BCR: variants seen among roughly 807,000 people sequenced by gnomAD.
The protein encoded by BCR is breakpoint cluster region protein.
Under a neutral mutation model 138.6 loss-of-function variants are expected in BCR, and 58 were observed. The observed-to-expected ratio is 0.42, with a 90% CI of 0.34 to 0.52. BCR has a LOEUF of 0.52. Ranked by LOEUF, BCR falls within the 20% of genes least tolerant of loss-of-function variation. The pLI, the probability that BCR is intolerant of heterozygous loss-of-function variation, is 0.06. For missense variants in BCR, 1,599 were observed against 1,727.2 expected (o/e 0.93, Z 1.32); for synonymous variants, 786 against 730.1 (o/e 1.08, Z -1.23).
intron 1 of BCR, 72 bp from the exon 2 acceptor site, chr22:23,253,727 C>G (rs2073258931): frequency 6.5e-7 from 1 of 1,527,602 alleles, no homozygotes; most frequent in African/African-American, 1.4e-5. Context: ...CAGCTGGGTG[C>G]TTGCTGGGAT....
chr22:23,309,819 A>G (rs1210068825), intron 17 of BCR: 15 of 399,502 alleles, frequency 3.8e-5, no homozygotes, highest in Non-Finnish European at 5.9e-5. Context: ...AAAGGTTTAG[A>G]CCTTAAAAGC....
chr22:23,257,396 C>T (rs1430873379), intron 2 of BCR, among the ~76,000 whole-genome samples: 1 of 152,272 alleles, frequency 6.6e-6, no homozygotes, highest in East Asian at 1.9e-4. Context: ...AGTGCTCCCA[C>T]CCACGCCGGC....
At chr22:23,237,653 A>G (rs2073041556) in intron 1 of BCR, among the ~76,000 whole-genome samples, 1 of 152,206 alleles carries the variant, frequency 6.6e-6, no homozygotes, top group Non-Finnish European at 1.5e-5. Context: ...GAGAAGAGAA[A>G]TGTGGAAGTC....
chr22:23,262,611 G>C (rs2073374341), intron 4 of BCR, among the ~76,000 whole-genome samples: 1 of 152,166 alleles, frequency 6.6e-6, no homozygotes, highest in South Asian at 2.1e-4. Flanking sequence ...GAGGGTGGTG[G>C]CTCGGGCTGG....
intron 1 of BCR, among the ~76,000 whole-genome samples, chr22:23,216,563 G>T (rs577739319): frequency 6.6e-6 from 1 of 152,244 alleles, no homozygotes; most frequent in Non-Finnish European, 1.5e-5. Context: ...GATGCCCAAA[G>T]TGTGATGATT....
At chr22:23,197,755 T>C (rs1435189862) in intron 1 of BCR, among the ~76,000 whole-genome samples, 1 of 151,932 alleles carries the variant, frequency 6.6e-6, no homozygotes, top group Non-Finnish European at 1.5e-5. Flanking sequence ...AAGGTGAGTT[T>C]GGCAAAAGTG....
chr22:23,307,422 ACTC>A (rs1292904756), intron 16 of BCR: 3 of 150,822 alleles, frequency 2.0e-5, no homozygotes, highest in South Asian at 2.1e-4. Flanking sequence ...AGTGGTATAA[ACTC>A]CTCCTTTCCA....
At chr22:23,306,547 T>C (rs1176123928) in intron 16 of BCR, among the ~76,000 whole-genome samples, 2 of 152,184 alleles carry the variant, frequency 1.3e-5, no homozygotes, top group Admixed American at 6.5e-5. Context: ...AAGCTCAGCT[T>C]TTCTGGGCTT....
At chr22:23,269,525 GT>G (rs946107962) in intron 5 of BCR, among the ~76,000 whole-genome samples, 2 of 152,182 alleles carry the variant, frequency 1.3e-5, no homozygotes, top group African/African-American at 4.8e-5. Context: ...CCGTCTTATT[GT>G]TTATCACCGG....
intron 1 of BCR, among the ~76,000 whole-genome samples, chr22:23,190,841 C>G (rs993046491): frequency 6.6e-6 from 1 of 152,184 alleles, no homozygotes; most frequent in African/African-American, 2.4e-5. Flanking sequence ...GCTGCCATCT[C>G]TCTCCACATC....
intron 1 of BCR, among the ~76,000 whole-genome samples, chr22:23,194,444 T>C (rs1400996651): frequency 4.0e-5 from 6 of 150,652 alleles, no homozygotes; most frequent in Non-Finnish European, 1.5e-5. Flanking sequence ...GGGGTCTCGC[T>C]CTGTCGCCCA....
intron 6 of BCR, 119 bp downstream of exon 6, chr22:23,271,711 T>C: frequency 1.1e-6 from 1 of 948,518 alleles, no homozygotes; most frequent in Non-Finnish European, 1.6e-6. Context: ...GTGCCTTCCC[T>C]GTTCTCTCTT....
chr22:23,289,690 C>T, intron 13 of BCR, 69 bp downstream of exon 13: 2 of 1,349,528 alleles, frequency 1.5e-6, no homozygotes, highest in Non-Finnish European at 2.1e-6. Flanking sequence ...AAGGCTGATC[C>T]CCCCTTCCTG....
intron 1 of BCR, among the ~76,000 whole-genome samples, chr22:23,222,286 G>A (rs557050324): frequency 1.6e-4 from 25 of 152,188 alleles, no homozygotes; most frequent in Non-Finnish European, 3.4e-4. Flanking sequence ...TGACACACCT[G>A]CCTGGCGCGT....
chr22:23,261,621 A>G, intron 4 of BCR, 81 bp downstream of exon 4: 2 of 1,489,366 alleles, frequency 1.3e-6, no homozygotes, highest in Non-Finnish European at 1.8e-6. Flanking sequence ...TAGTAGAGAC[A>G]GGGTTTTGCT....
chr22:23,221,947 T>C (rs6003570), intron 1 of BCR, among the ~76,000 whole-genome samples: 5,087 of 152,142 alleles, frequency 0.033, 275 homozygotes, highest in African/African-American at 0.11. Flanking sequence ...AAAAATTAGC[T>C]GGGCGTGGTG....
At chr22:23,243,787 C>T (rs1473940998) in intron 1 of BCR, among the ~76,000 whole-genome samples, 1 of 151,776 alleles carries the variant, frequency 6.6e-6, no homozygotes, top group Non-Finnish European at 1.5e-5. Context: ...GGACTATAGG[C>T]GCCTGCCACC....
At chr22:23,263,475 C>A in intron 4 of BCR, 1 of 1,530,030 alleles carries the variant, frequency 6.5e-7, no homozygotes, top group Non-Finnish European at 9.1e-7. Flanking sequence ...GAGATGCAGT[C>A]AGATGCCCTG....
At chr22:23,211,651 G>GTTTTT (rs933644000) in intron 1 of BCR, among the ~76,000 whole-genome samples, 231 of 147,858 alleles carry the variant, frequency 1.6e-3, no homozygotes, top group African/African-American at 5.9e-3. Flanking sequence ...CGCCTGGCTA[G>GTTTTT]TTTTTTTTGT....
Sources: allele counts gnomAD v4.1 joint callset (sites outside exome capture counted in the v4.1 genomes callset), GRCh38; gene constraint gnomAD v4.1.1; transcripts MANE v1.5; gene names NCBI Gene and HGNC (gene_info 2026-07-23, HGNC 2026-07-21).